The following LINGO1 variants were observed in gnomAD, a reference collection of about 807,000 sequenced individuals.
The protein encoded by LINGO1 is leucine rich repeat and Ig domain containing 1.
Under a neutral mutation model 37.3 loss-of-function variants are expected in LINGO1, and 11 were observed. The observed-to-expected ratio is 0.29, with a 90% CI of 0.19 to 0.49. The LOEUF is 0.49. LINGO1 is among the 20% of genes least tolerant of loss of function. The pLI, the probability that LINGO1 is intolerant of heterozygous loss-of-function variation, is 0.99. For missense variants in LINGO1, 585 were observed against 878.2 expected, an observed-to-expected ratio of 0.67 and a Z score of 4.22; for synonymous variants, 387 against 403.0, an observed-to-expected ratio of 0.96 and a Z score of 0.48.
intron 2 of LINGO1, among the ~76,000 whole-genome samples, chr15:77,708,375 C>G (rs2075878104): frequency 6.6e-6 from 1 of 152,086 alleles, no homozygotes; most frequent in Non-Finnish European, 1.5e-5. Flanking sequence ...ACTGATGGAG[C>G]TGGGGCTGGT....
intron 3 of LINGO1, among the ~76,000 whole-genome samples, chr15:77,674,498 C>T (rs547502420): frequency 1.3e-5 from 2 of 152,246 alleles, no homozygotes; most frequent in African/African-American, 4.8e-5. Flanking sequence ...GTGCGTGGTC[C>T]CTGTTCGGCT....
chr15:77,652,352 G>A (rs1386428321), intron 3 of LINGO1: 2 of 152,060 alleles, frequency 1.3e-5, no homozygotes, highest in Admixed American at 6.5e-5. Context: ...CAGAGTCCCC[G>A]GGGACTTGAA....
At chr15:77,652,468 C>A (rs989012411) in intron 3 of LINGO1, among the ~76,000 whole-genome samples, 1 of 111,140 alleles carries the variant, frequency 9.0e-6, no homozygotes, top group African/African-American at 3.7e-5. Context: ...CCTACAGCTG[C>A]AGCTGGGGAG....
At chr15:77,790,943 C>G (rs1386729676), upstream of LINGO1, among the ~76,000 whole-genome samples, 2 of 152,182 alleles carry the variant, frequency 1.3e-5, no homozygotes, top group South Asian at 2.1e-4. Context: ...ACTCCCTCAT[C>G]ATGAGCTTGG....
intron 1 of LINGO1, among the ~76,000 whole-genome samples, chr15:77,628,664 G>A (rs947196088): frequency 6.6e-6 from 1 of 152,214 alleles, no homozygotes; most frequent in Non-Finnish European, 1.5e-5. Context: ...TTAAGTTGGA[G>A]AGTAGGGTAA....
At chr15:77,742,261 A>C (rs1596178291) in intron 1 of LINGO1, among the ~76,000 whole-genome samples, 1 of 152,014 alleles carries the variant, frequency 6.6e-6, no homozygotes, top group African/African-American at 2.4e-5. Flanking sequence ...GCTGGCCCCC[A>C]CCCTGGCTTG....
At chr15:77,742,516 T>G (rs912224839) in intron 1 of LINGO1, among the ~76,000 whole-genome samples, 2 of 152,200 alleles carry the variant, frequency 1.3e-5, no homozygotes, top group South Asian at 2.1e-4. Flanking sequence ...AGCCAGCACC[T>G]GGTGGAGGCA....
chr15:77,806,263 G>A (rs558167261), intron 1 of LINGO1, among the ~76,000 whole-genome samples: 35 of 152,084 alleles, frequency 2.3e-4, no homozygotes, highest in Admixed American at 2.0e-3. Flanking sequence ...GGGCAGAGGC[G>A]GCCCTCCGAG....
chr15:77,717,469 C>A (rs989100666), intron 2 of LINGO1, among the ~76,000 whole-genome samples: 15 of 150,674 alleles, frequency 1.0e-4, no homozygotes, highest in African/African-American at 3.6e-4. Context: ...AGAACTGGCA[C>A]CCCAGCCCTG....
rs111383238 is a variant in LINGO1 at position 77,693,464 on chromosome 15, T to C, written c.-280-2563A>G. On this transcript the variant is annotated intron_variant, in intron 1 of 3. Coordinates refer to the LINGO1 transcript ENST00000559893. ...TCTTTCTGAAGCGGCCATATTGGAATTTATTCTATGGGAAATGAAGCTGCA... is the reference window on the plus strand; with the variant it reads ...TCTTTCTGAAGCGGCCATATTGGAACTTATTCTATGGGAAATGAAGCTGCA... Among the ~76,000 whole-genome samples, 159 of 152,336 alleles carry C rather than the reference T, an allele frequency of 1.0e-3. 2 individuals carry two copies. Among genetic ancestry groups the C allele is most frequent in the African/African-American group, 3.7e-3 (152 of 41,566 alleles).
upstream of LINGO1, among the ~76,000 whole-genome samples, chr15:77,790,780 A>G (rs570064422): frequency 1.1e-4 from 16 of 152,258 alleles, no homozygotes; most frequent in South Asian, 3.1e-3. Context: ...CCATCCATGG[A>G]GACTTCAGGG....
chr15:77,799,032 G>A (rs986081425), intron 1 of LINGO1, among the ~76,000 whole-genome samples: 4 of 152,116 alleles, frequency 2.6e-5, no homozygotes, highest in African/African-American at 9.7e-5. Flanking sequence ...AGAGGCCCAC[G>A]CCCACTGTAC....
chr15:77,749,487 G>C (rs12593505), intron 1 of LINGO1, among the ~76,000 whole-genome samples: 21,417 of 152,278 alleles, frequency 0.14, 1,945 homozygotes, highest in African/African-American at 0.26. Context: ...AAACAAAAGA[G>C]ACTCAGCAGG....
intron 1 of LINGO1, among the ~76,000 whole-genome samples, chr15:77,799,821 TG>T (rs2076903037): frequency 6.6e-6 from 1 of 151,974 alleles, no homozygotes; most frequent in Admixed American, 6.6e-5. Flanking sequence ...TTTTGAGGGA[TG>T]GGGCTGTATT....
chr15:77,771,759 G>C (rs772615164), intron 1 of LINGO1, among the ~76,000 whole-genome samples: 3 of 152,142 alleles, frequency 2.0e-5, no homozygotes, highest in Non-Finnish European at 4.4e-5. Flanking sequence ...CCTACATGTC[G>C]ACAGGGTGTT....
At chr15:77,688,449 G>T (rs1298015212) in intron 2 of LINGO1, among the ~76,000 whole-genome samples, 1 of 152,184 alleles carries the variant, frequency 6.6e-6, no homozygotes, top group Admixed American at 6.5e-5. Flanking sequence ...GATAAGATGG[G>T]GAGAGGGAGG....
At chr15:77,724,201 C>A (rs1032993605) in intron 2 of LINGO1, among the ~76,000 whole-genome samples, 1 of 152,190 alleles carries the variant, frequency 6.6e-6, no homozygotes, top group African/African-American at 2.4e-5. Flanking sequence ...TACCCCCATC[C>A]CAGCACATAC....
At chr15:77,810,267 CT>C (rs2076993952) in intron 1 of LINGO1, among the ~76,000 whole-genome samples, 1 of 128,390 alleles carries the variant, frequency 7.8e-6, no homozygotes. Context: ...CATGCACACA[CT>C]CACACACACA....
chr15:77,652,483 A>AGTGT (rs773433884), intron 3 of LINGO1, among the ~76,000 whole-genome samples: 26,482 of 128,662 alleles, frequency 0.21, 3,074 homozygotes, highest in Admixed American at 0.32. Flanking sequence ...GGGGAGGGAG[A>AGTGT]GTGTGTGTGT....
Sources: allele counts gnomAD v4.1 joint callset (sites outside exome capture counted in the v4.1 genomes callset), GRCh38; gene constraint gnomAD v4.1.1; transcripts MANE v1.5; gene names NCBI Gene and HGNC (gene_info 2026-07-23, HGNC 2026-07-21).